The following SEMA4D variants were observed in gnomAD, a reference collection of about 807,000 sequenced individuals.
SEMA4D encodes semaphorin-4D.
Under a neutral mutation model 74.8 loss-of-function variants are expected in SEMA4D, and 22 were observed. The observed-to-expected ratio is 0.29, with a 90% confidence interval of 0.21 to 0.42. The LOEUF (loss-of-function observed/expected upper bound fraction) is 0.42, where lower values mean the gene tolerates loss of function less well. SEMA4D is among the 10% of genes least tolerant of loss of function. SEMA4D has a pLI of 1.00. For missense variants in SEMA4D, 937 were observed against 1,118.4 expected, an observed-to-expected ratio of 0.84 and a Z score of 2.31; for synonymous variants, 445 against 463.7, an observed-to-expected ratio of 0.96 and a Z score of 0.52.
At position 89,378,940 on chromosome 9, in the gene SEMA4D, G is replaced by A. The variant is rs141440756; in HGVS notation, c.2353C>T (p.Arg785Cys). Residue 785 changes from arginine (R) to cysteine (C), a missense_variant, in exon 16 of 16, where the codon CGT becomes TGT. Coordinates refer to ENST00000422704, the MANE Select transcript of SEMA4D (RefSeq NM_001371194.2). ...KKKPKSDFCD[R>C]EQSLKETLVE... ...AACGTCTCCTTCAGGCTCTGCTCAC[G>A]GTCACAGAAATCTGACTTGGGCTTC... The A allele has an allele frequency of 2.2e-5, 35 of 1,614,060 alleles. No individual in the cohort carries two copies. The highest frequency in any genetic ancestry group is 3.3e-4 in the Middle Eastern group (2 of 6,084).
intron 2 of SEMA4D, among the ~76,000 whole-genome samples, chr9:89,439,685 C>G (rs796252109): frequency 3.3e-5 from 5 of 152,340 alleles, no homozygotes; most frequent in African/African-American, 1.2e-4. Context: ...CGGCGGCTGA[C>G]TGGTCTAAAG....
chr9:89,401,140 G>A (rs1026879010), intron 4 of SEMA4D, among the ~76,000 whole-genome samples: 3 of 151,800 alleles, frequency 2.0e-5, no homozygotes, highest in African/African-American at 4.8e-5. Flanking sequence ...CTGCAGCCTC[G>A]ACCTCCTGGG....
chr9:89,483,533 C>T lies in SEMA4D; in HGVS notation c.-310+14386G>A, dbSNP rs574177227. Among the ~76,000 whole-genome samples the T allele has an allele frequency of 2.6e-5, 4 of 152,332 alleles. No homozygotes were observed. In the South Asian group the frequency reaches 8.3e-4, roughly 32 times the overall value. ...AAGATAATAATACATAGTGTACACA[C>T]ATTGACGTCACGCTAAAATTTTTAC... On this transcript the variant is annotated intron_variant, in intron 1 of 15. Transcript: ENST00000422704.
intron 16 of SEMA4D, among the ~76,000 whole-genome samples, chr9:89,371,750 TGTGGTGTGTGTGTGG>T (rs1564500555): frequency 2.5e-4 from 12 of 47,598 alleles, no homozygotes; most frequent in South Asian, 9.2e-4. Context: ...GTGTGTCGGG[TGTGGTGTGTGTGTGG>T]GGGGTGTGGT....
chr9:89,490,182 T>C (rs1370220248), intron 1 of SEMA4D, among the ~76,000 whole-genome samples: 1 of 152,218 alleles, frequency 6.6e-6, no homozygotes, highest in Non-Finnish European at 1.5e-5. Flanking sequence ...TTTACCCATG[T>C]TTTAACTGGC....
intron 1 of SEMA4D, among the ~76,000 whole-genome samples, chr9:89,477,660 C>A (rs190311374): frequency 1.3e-5 from 2 of 152,128 alleles, no homozygotes; most frequent in African/African-American, 4.8e-5. Context: ...TATGCATGCA[C>A]GCATGTGTGT....
chr9:89,392,946 T>G (rs1229556084), intron 7 of SEMA4D, among the ~76,000 whole-genome samples: 1 of 152,176 alleles, frequency 6.6e-6, no homozygotes, highest in East Asian at 1.9e-4. Context: ...CAGCTGGTCT[T>G]GAACTCCTGA....
intron 1 of SEMA4D, chr9:89,472,337 G>A (rs889911471): frequency 2.6e-5 from 11 of 431,002 alleles, no homozygotes; most frequent in Non-Finnish European, 4.1e-5. Flanking sequence ...GGCAAAGTTA[G>A]CTGGGATTGA....
chr9:89,398,138 G>A (rs915905055), intron 5 of SEMA4D, among the ~76,000 whole-genome samples: 9 of 152,130 alleles, frequency 5.9e-5, no homozygotes, highest in Middle Eastern at 6.8e-3. Context: ...CTGTTTGCCC[G>A]CCGTCTCCCG....
chr9:89,452,103 C>G (rs1341820373), intron 2 of SEMA4D, among the ~76,000 whole-genome samples: 2 of 151,904 alleles, frequency 1.3e-5, no homozygotes, highest in Non-Finnish European at 2.9e-5. Flanking sequence ...TAAATGAACC[C>G]TTGGCCACCG....
intron 2 of SEMA4D, chr9:89,449,854 T>C: frequency 6.7e-7 from 1 of 1,496,266 alleles, no homozygotes; most frequent in East Asian, 2.3e-5. Flanking sequence ...CAGGATTATA[T>C]TCTCAAGGAA....
intron 1 of SEMA4D, among the ~76,000 whole-genome samples, chr9:89,458,762 T>C (rs1856568516): frequency 6.6e-6 from 1 of 151,900 alleles, no homozygotes; most frequent in Non-Finnish European, 1.5e-5. Context: ...CATATACATA[T>C]ATGCACATAC....
rs1237669504 is a variant in SEMA4D, at chr9:89,459,169, C to T, written c.-309-3216G>A. On this transcript the variant is annotated intron_variant, in intron 1 of 15. Transcript: ENST00000422704. The stretch of plus-strand genomic sequence containing the variant: ...CCTGTGGTCAGTGGTTCTCATACTG[C>T]GGCCTGCAGCAGAACCCCTGGCAAG... Among the ~76,000 whole-genome samples the T allele has an allele frequency of 2.6e-5, 4 of 152,170 alleles. No homozygotes were observed. The South Asian group carries it at 8.3e-4, about 31-fold the overall frequency.
chr9:89,378,317 G>A lies in SEMA4D; in HGVS notation c.*387C>T, dbSNP rs1479751277. 2 of 176,938 alleles carry A rather than the reference G, an allele frequency of 1.1e-5. No individual in the cohort carries two copies. The highest frequency in any genetic ancestry group is 4.7e-5 in the African/African-American group (2 of 42,172). The allele number at this position is 176,938 out of a possible 1,614,324, so 11.0% of individuals were successfully genotyped here. ...TAAACTAAAATGTCATTTCCAATCT[G>A]GAATTAAATAATCTTTTAGTGGCTG... On this transcript the variant is annotated 3_prime_UTR_variant, in exon 16 of 16. Transcript: ENST00000422704.
chr9:89,479,651 C>T lies in SEMA4D; in HGVS notation c.-310+18268G>A, dbSNP rs942022401. 6.8e-5 allele frequency: 11 copies of T among 161,276 alleles called. No homozygotes were observed. The East Asian group carries it at 1.7e-3, about 24-fold the overall frequency. 10.0% of individuals were successfully genotyped at this position (161,276 alleles called of 1,614,324 possible). On this transcript the variant is annotated intron_variant, in intron 1 of 15. Transcript: ENST00000422704. ...TCCTTCTGGTGGGTTCGTGGTCTCG[C>T]TGGCTCGGGAGTGAAGCTGCAGACC...
intron 2 of SEMA4D, among the ~76,000 whole-genome samples, chr9:89,435,207 ATTAATT>A (rs142463335): frequency 1.7e-3 from 256 of 152,302 alleles, no homozygotes; most frequent in African/African-American, 5.8e-3. Context: ...ATAAGGTAAT[ATTAATT>A]TTAAGAATGC....
At chr9:89,418,212 T>C (rs1476545242) in intron 2 of SEMA4D, 2 of 735,702 alleles carry the variant, frequency 2.7e-6, no homozygotes, top group African/African-American at 3.8e-5. Context: ...TGAAAACAAA[T>C]TATTGTGAGT....
intron 1 of SEMA4D, among the ~76,000 whole-genome samples, chr9:89,490,703 A>G (rs1825561876): frequency 6.6e-6 from 1 of 152,246 alleles, no homozygotes. Flanking sequence ...GTTTATGATT[A>G]GGATGTAATC....
downstream of SEMA4D, chr9:89,376,906 C>T: frequency 6.4e-7 from 1 of 1,550,834 alleles, no homozygotes. Flanking sequence ...GGAAGGGCGG[C>T]AGCAAGGAGA....
Sources: gnomAD v4.1 joint callset for allele counts (sites outside exome capture counted in the v4.1 genomes callset) on GRCh38, gnomAD v4.1.1 for gene constraint, MANE v1.5 for transcripts, NCBI Gene and HGNC (gene_info 2026-07-23, HGNC 2026-07-21) for gene names.